The following STXBP6 variants were observed in gnomAD, a reference collection of about 807,000 sequenced individuals.
The protein encoded by STXBP6 is syntaxin binding protein 6.
STXBP6 carries 21 observed loss-of-function variants against 26.9 expected under a neutral mutation model. The ratio of observed to expected loss-of-function variants is 0.78; its 90% confidence interval spans 0.55 to 1.12. STXBP6 has a LOEUF of 1.12. Ranked by LOEUF, STXBP6 falls within the 50% of genes most tolerant of loss-of-function variation. STXBP6 has a pLI of 0.00. For synonymous variants in STXBP6, 97 were observed against 92.6 expected (o/e 1.05, Z -0.27); for missense variants, 232 against 257.9 (o/e 0.90, Z 0.69).
chr14:24,945,139 A>ATATTTTTTTTTTTTTTT (rs2072937548), intron 2 of STXBP6, among the ~76,000 whole-genome samples: 1 of 100,652 alleles, frequency 9.9e-6, no homozygotes, highest in African/African-American at 3.6e-5. Flanking sequence ...CCAATTAGGA[A>ATATTTTTTTTTTTTTTT]TTTTTTTTTT....
intron 1 of STXBP6, 21 bp from the exon 2 acceptor site, chr14:24,974,871 A>G (rs2074003246): frequency 3.3e-6 from 5 of 1,494,104 alleles, no homozygotes. Context: ...AGGAAAAGAA[A>G]GGAAAGTTGG....
At chr14:24,865,637 T>C (rs765466779) in intron 2 of STXBP6, among the ~76,000 whole-genome samples, 4 of 152,168 alleles carry the variant, frequency 2.6e-5, no homozygotes, top group Non-Finnish European at 5.9e-5. Flanking sequence ...ATAGTGCCTG[T>C]TTCCATCATC....
intron 1 of STXBP6, among the ~76,000 whole-genome samples, chr14:25,016,807 T>C (rs1332246343): frequency 6.6e-6 from 1 of 152,128 alleles, no homozygotes; most frequent in Non-Finnish European, 1.5e-5. Context: ...CAAGGAAGCA[T>C]GTAGAAAAGG....
intron 2 of STXBP6, among the ~76,000 whole-genome samples, chr14:24,903,389 T>A (rs2071279556): frequency 6.6e-6 from 1 of 152,206 alleles, no homozygotes; most frequent in Admixed American, 6.5e-5. Flanking sequence ...TCATTGTCTC[T>A]CTGATGGCCC....
intron 2 of STXBP6, among the ~76,000 whole-genome samples, chr14:24,932,927 G>A (rs796351412): frequency 1.1e-4 from 17 of 152,284 alleles, no homozygotes; most frequent in African/African-American, 3.9e-4. Flanking sequence ...AAGCCTAGTA[G>A]ACATATGAAT....
chr14:24,838,749 A>C lies in STXBP6; in HGVS notation c.451+17187T>G, dbSNP rs184715669. 4.6e-5 allele frequency among the ~76,000 whole-genome samples: 7 copies of C among 152,218 alleles called. No individual in the cohort carries two copies. In the East Asian group the frequency reaches 1.4e-3, roughly 29 times the overall value. On this transcript the variant is annotated intron_variant, in intron 4 of 5. Coordinates refer to ENST00000323944, the MANE Select transcript of STXBP6 (RefSeq NM_001394410.1). ...AGGGCCCTTTCATGTCTTATTAAGC[A>C]CCTAGAGGCTAATAATTCCTTTTAG... is the stretch of plus-strand genomic sequence containing the variant.
intron 5 of STXBP6, chr14:24,817,228 C>G (rs1378779445): frequency 6.6e-6 from 1 of 152,198 alleles, no homozygotes. Flanking sequence ...ACAGGGCTAC[C>G]AGGGCCAAGA....
At chr14:25,047,917 T>C (rs1227373344) in intron 1 of STXBP6, among the ~76,000 whole-genome samples, 1 of 152,214 alleles carries the variant, frequency 6.6e-6, no homozygotes, top group Non-Finnish European at 1.5e-5. Flanking sequence ...ACTAAGGCCT[T>C]TCTGACCGTG....
intron 1 of STXBP6, among the ~76,000 whole-genome samples, chr14:24,999,845 A>G (rs1012124356): frequency 2.6e-5 from 4 of 152,190 alleles, no homozygotes; most frequent in Non-Finnish European, 5.9e-5. Context: ...ACCTCTAGCT[A>G]CAACAAATCA....
At chr14:24,980,473 A>G (rs2074159206) in intron 1 of STXBP6, among the ~76,000 whole-genome samples, 2 of 152,228 alleles carry the variant, frequency 1.3e-5, no homozygotes. Flanking sequence ...TAATTCAACT[A>G]CTACTCTTAA....
At chr14:24,974,488 C>T (rs1448574361) in intron 2 of STXBP6, among the ~76,000 whole-genome samples, 177 bp downstream of exon 2, 2 of 152,166 alleles carry the variant, frequency 1.3e-5, no homozygotes, top group African/African-American at 2.4e-5. Context: ...TTCCAATACG[C>T]GGCAACCTCA....
intron 2 of STXBP6, among the ~76,000 whole-genome samples, chr14:24,930,693 G>A (rs1308656375): frequency 6.6e-6 from 1 of 152,130 alleles, no homozygotes; most frequent in African/African-American, 2.4e-5. Flanking sequence ...TGGGTAATAG[G>A]AGAGACTTTG....
At chr14:24,938,886 C>A (rs17109336) in intron 2 of STXBP6, among the ~76,000 whole-genome samples, 1 of 151,984 alleles carries the variant, frequency 6.6e-6, no homozygotes, top group Non-Finnish European at 1.5e-5. Context: ...TCTATTAAAC[C>A]ATTGTGGCAG....
At chr14:24,842,748 T>C (rs554669009) in intron 4 of STXBP6, among the ~76,000 whole-genome samples, 1 of 152,152 alleles carries the variant, frequency 6.6e-6, no homozygotes, top group East Asian at 1.9e-4. Context: ...TGAAATTAGA[T>C]AGCCCCAAAT....
At position 24,844,974 on chromosome 14, in the gene STXBP6, T is replaced by A. The variant is rs1219495297; in HGVS notation, c.451+10962A>T. On this transcript the variant is annotated intron_variant, in intron 4 of 5. Coordinates refer to ENST00000323944, the MANE Select transcript of STXBP6 (RefSeq NM_001394410.1). ...ACATATCAAGGAAAAGAATGATTTTTAACAAAATCAACTGATTTTCAATAT... is the reference window on the plus strand; with the variant it reads ...ACATATCAAGGAAAAGAATGATTTTAAACAAAATCAACTGATTTTCAATAT... Among the ~76,000 whole-genome samples, 3 of 151,872 alleles carry A rather than the reference T, an allele frequency of 2.0e-5. No individual in the cohort carries two copies. In the East Asian group the frequency reaches 5.8e-4, roughly 29 times the overall value.
intron 1 of STXBP6, among the ~76,000 whole-genome samples, chr14:25,003,992 A>C (rs1289636674): frequency 6.6e-6 from 1 of 152,244 alleles, no homozygotes; most frequent in African/African-American, 2.4e-5. Context: ...AGCACTGTTT[A>C]TGCTCTGGAG....
chr14:24,874,835 CTCCTGAGA>C (rs1490545665), intron 2 of STXBP6, among the ~76,000 whole-genome samples: 1 of 152,098 alleles, frequency 6.6e-6, no homozygotes, highest in Non-Finnish European at 1.5e-5. Flanking sequence ...GACCGGCTGT[CTCCTGAGA>C]GGATGGGGAT....
intron 2 of STXBP6, among the ~76,000 whole-genome samples, chr14:24,944,910 C>T (rs765079941): frequency 6.6e-6 from 1 of 152,040 alleles, no homozygotes; most frequent in Non-Finnish European, 1.5e-5. Flanking sequence ...GACTCTGCCA[C>T]TAGCAAACAA....
chr14:24,917,997 A>G (rs542526529), intron 2 of STXBP6, among the ~76,000 whole-genome samples: 7 of 152,178 alleles, frequency 4.6e-5, no homozygotes, highest in African/African-American at 1.4e-4. Flanking sequence ...CAACAGGTAC[A>G]ATGTTGAAAG....
Sources: allele counts gnomAD v4.1 joint callset (sites outside exome capture counted in the v4.1 genomes callset), GRCh38; gene constraint gnomAD v4.1.1; transcripts MANE v1.5; gene names NCBI Gene and HGNC (gene_info 2026-07-23, HGNC 2026-07-21).